The following MAP2 variants were observed in gnomAD, a reference collection of about 807,000 sequenced individuals.
MAP2 encodes microtubule-associated protein 2.
MAP2 carries 14 observed loss-of-function variants against 137.6 expected under a neutral mutation model. The ratio of observed to expected loss-of-function variants is 0.10; its 90% CI spans 0.07 to 0.16. The LOEUF (loss-of-function observed/expected upper bound fraction) is 0.16. Among genes scored for constraint, MAP2 ranks in the 10% least tolerant of loss-of-function variants. The pLI is 1.00. For synonymous variants in MAP2, 786 were observed against 782.3 expected (o/e 1.00, Z -0.08); for missense variants, 2,088 against 2,191.5 (o/e 0.95, Z 0.94).
In MAP2 at chr2:209,694,603, T is replaced by C; in HGVS notation, c.2433T>C (p.Asp811=). 6.2e-7 allele frequency: 1 copy of C among 1,614,022 alleles called. No individual in the cohort carries two copies. The part of the protein sequence containing the change: ...VMAPDLPEML[D]LAGTRSRLAS... The stretch of plus-strand genomic sequence containing the variant: ...CACCTGACCTTCCTGAAATGCTAGA[T>C]CTGGCAGGCACAAGGTCAAGATTGG... The change falls in exon 8 of 16, where the codon GAT becomes GAC. Residue 811 remains aspartate (D), a synonymous_variant. Coordinates refer to ENST00000682079, the MANE Select transcript of MAP2 (RefSeq NM_001375505.1).
chr2:209,515,147 G>A (rs976742689), intron 2 of MAP2, among the ~76,000 whole-genome samples: 13 of 151,352 alleles, frequency 8.6e-5, no homozygotes, highest in African/African-American at 1.7e-4. Flanking sequence ...TCTTTCTTTC[G>A]ACCATTTCAA....
At chr2:209,716,329 G>A (rs990447949) in intron 13 of MAP2, among the ~76,000 whole-genome samples, 2 of 152,176 alleles carry the variant, frequency 1.3e-5, no homozygotes, top group Non-Finnish European at 2.9e-5. Flanking sequence ...CCATATTCAT[G>A]GAGAGATGCA....
At chr2:209,586,033 G>A (rs1435285681) in intron 3 of MAP2, among the ~76,000 whole-genome samples, 1 of 152,108 alleles carries the variant, frequency 6.6e-6, no homozygotes, top group Admixed American at 6.6e-5. Flanking sequence ...TTTAAATCTG[G>A]GTCTGACTCT....
intron 5 of MAP2, among the ~76,000 whole-genome samples, chr2:209,673,091 T>C (rs2049602107): frequency 6.6e-6 from 1 of 151,894 alleles, no homozygotes; most frequent in South Asian, 2.1e-4. Flanking sequence ...TCTTCAGATG[T>C]TTACCTGGAT....
intron 2 of MAP2, among the ~76,000 whole-genome samples, chr2:209,532,110 T>A (rs571312650): frequency 6.6e-6 from 1 of 151,604 alleles, no homozygotes; most frequent in Non-Finnish European, 1.5e-5. Flanking sequence ...ATGGTAGCTG[T>A]GTTTGTAGTC....
chr2:209,577,799 G>C (rs1469443072), intron 2 of MAP2, among the ~76,000 whole-genome samples: 2 of 152,068 alleles, frequency 1.3e-5, no homozygotes, highest in Non-Finnish European at 2.9e-5. Context: ...TGAAGTTCAG[G>C]CTCAACAAGA....
At chr2:209,522,065 C>T (rs1281522674) in intron 2 of MAP2, among the ~76,000 whole-genome samples, 2 of 152,008 alleles carry the variant, frequency 1.3e-5, no homozygotes, top group East Asian at 1.9e-4. Flanking sequence ...AGACCTGTGT[C>T]GAGCTGCTTC....
At chr2:209,595,213 G>T (rs116381121) in intron 3 of MAP2, among the ~76,000 whole-genome samples, 1 of 152,118 alleles carries the variant, frequency 6.6e-6, no homozygotes, top group African/African-American at 2.4e-5. Flanking sequence ...GCGGTTTGGC[G>T]TAGAATATAT....
chr2:209,673,283 C>T (rs3768821), intron 5 of MAP2, among the ~76,000 whole-genome samples: 28,511 of 151,524 alleles, frequency 0.19, 3,832 homozygotes, highest in African/African-American at 0.38. Flanking sequence ...GTCACTCATG[C>T]ATAGCCATGA....
intron 1 of MAP2, among the ~76,000 whole-genome samples, chr2:209,438,785 G>A (rs756441072): frequency 2.6e-5 from 4 of 151,364 alleles, no homozygotes; most frequent in Middle Eastern, 3.2e-3. Flanking sequence ...ACCTTACGAT[G>A]ACACGGCTCT....
intron 2 of MAP2, among the ~76,000 whole-genome samples, chr2:209,532,471 G>A (rs756996163): frequency 6.6e-6 from 1 of 152,116 alleles, no homozygotes; most frequent in African/African-American, 2.4e-5. Context: ...CTATTTTAAA[G>A]ATGATGTAAC....
At chr2:209,634,963 A>G (rs1343530977) in intron 4 of MAP2, among the ~76,000 whole-genome samples, 1 of 152,140 alleles carries the variant, frequency 6.6e-6, no homozygotes, top group Non-Finnish European at 1.5e-5. Context: ...GGAAGGTTGC[A>G]CCTGCCTGTA....
intron 2 of MAP2, among the ~76,000 whole-genome samples, chr2:209,523,873 T>C (rs967360820): frequency 3.9e-5 from 6 of 152,170 alleles, no homozygotes; most frequent in African/African-American, 7.2e-5. Flanking sequence ...TGACTAACTA[T>C]GGATATACAT....
intron 13 of MAP2, among the ~76,000 whole-genome samples, chr2:209,716,562 T>G (rs2067718208): frequency 6.6e-6 from 1 of 152,194 alleles, no homozygotes; most frequent in African/African-American, 2.4e-5. Flanking sequence ...CAGCTATGAT[T>G]AGTTTTAGTG....
chr2:209,710,547 A>T, intron 13 of MAP2: 1 of 270,440 alleles, frequency 3.7e-6, no homozygotes, highest in Non-Finnish European at 6.9e-6. Flanking sequence ...GTGTTTTTTA[A>T]CTTGAGATTA....
intron 3 of MAP2, among the ~76,000 whole-genome samples, chr2:209,589,772 C>T (rs1216535663): frequency 1.3e-5 from 2 of 151,916 alleles, no homozygotes; most frequent in East Asian, 1.9e-4. Flanking sequence ...GAATTTTAAG[C>T]GAATGGTAAA....
intron 2 of MAP2, among the ~76,000 whole-genome samples, chr2:209,561,079 A>G (rs2071946862): frequency 6.6e-6 from 1 of 152,214 alleles, no homozygotes; most frequent in African/African-American, 2.4e-5. Context: ...AAAAGCAGGC[A>G]TGAGGTTGGA....
chr2:209,452,368 A>G (rs1390068946), intron 1 of MAP2, among the ~76,000 whole-genome samples: 1 of 152,164 alleles, frequency 6.6e-6, no homozygotes, highest in East Asian at 1.9e-4. Context: ...CTCTCTAGAA[A>G]GGCATTCTGT....
intron 15 of MAP2, 82 bp downstream of exon 15, chr2:209,730,044 T>C (rs7594601): frequency 0.91 from 1,093,905 of 1,205,542 alleles, 499,326 homozygotes; most frequent in Non-Finnish European, 0.94. Flanking sequence ...AGGTCCCAGA[T>C]TGTAGACCTG....
Sources: gnomAD v4.1 joint callset for allele counts (sites outside exome capture counted in the v4.1 genomes callset) on GRCh38, gnomAD v4.1.1 for gene constraint, MANE v1.5 for transcripts, NCBI Gene and HGNC (gene_info 2026-07-23, HGNC 2026-07-21) for gene names.